Variants in ADARB2 observed in about 807,000 individuals in gnomAD.
ADARB2 encodes the protein adenosine deaminase RNA specific B2 (inactive), also known as inactive double-stranded RNA-specific editase B2.
ADARB2 carries 25 observed loss-of-function variants against 62.2 expected under a neutral mutation model. The observed-to-expected ratio is 0.40, with a 90% CI of 0.29 to 0.56. The LOEUF (loss-of-function observed/expected upper bound fraction) is 0.56, where lower values mean the gene tolerates loss of function less well. Among genes scored for constraint, ADARB2 ranks in the 20% least tolerant of loss-of-function variants. The pLI is 0.43. For synonymous variants in ADARB2, 572 were observed against 500.8 expected (o/e 1.14, Z -1.90); for missense variants, 1,071 against 1,077.4 (o/e 0.99, Z 0.08).
At chr10:1,475,143 C>T (rs1440373240) in intron 1 of ADARB2, among the ~76,000 whole-genome samples, 1 of 151,966 alleles carries the variant, frequency 6.6e-6, no homozygotes, top group African/African-American at 2.4e-5. Flanking sequence ...CAGGAGGACC[C>T]CCGGGGAGGG....
intron 1 of ADARB2, among the ~76,000 whole-genome samples, chr10:1,399,711 G>A (rs1832646451): frequency 6.6e-6 from 1 of 152,218 alleles, no homozygotes; most frequent in African/African-American, 2.4e-5. Context: ...AATATTATTT[G>A]AAGGATGTAC....
chr10:1,250,078 A>G (rs1326163022), intron 4 of ADARB2, among the ~76,000 whole-genome samples: 1 of 110,964 alleles, frequency 9.0e-6, no homozygotes, highest in Admixed American at 9.2e-5. Flanking sequence ...TTAAACAAAC[A>G]GAAAGACTTG....
rs574091141 is a variant in ADARB2, at chr10:1,586,388, G to A, written c.100+150663C>T. ...AAAGCCACCAAATCCAGAAGATGAG[G>A]CACCTGAGAGCAGCTGGCGGGATGG... On this transcript the variant is annotated intron_variant, in intron 1 of 9. Transcript: ENST00000381312. 2.6e-5 allele frequency among the ~76,000 whole-genome samples: 4 copies of A among 152,290 alleles called. No individual in the cohort carries two copies. In the South Asian group the frequency reaches 8.3e-4, roughly 32 times the overall value.
intron 7 of ADARB2, among the ~76,000 whole-genome samples, chr10:1,214,949 C>T (rs1351519422): frequency 2.0e-5 from 3 of 152,216 alleles, no homozygotes; most frequent in African/African-American, 7.2e-5. Context: ...CCAGCTCTCC[C>T]ACGATTTCCA....
At chr10:1,557,234 A>G (rs866717236) in intron 1 of ADARB2, among the ~76,000 whole-genome samples, 2 of 22,052 alleles carry the variant, frequency 9.1e-5, no homozygotes, top group Admixed American at 1.4e-3. Flanking sequence ...TTGCCCAGCC[A>G]CCACCTCGTC....
intron 4 of ADARB2, among the ~76,000 whole-genome samples, chr10:1,256,256 C>G (rs138188402): frequency 6.6e-6 from 1 of 152,354 alleles, no homozygotes; most frequent in East Asian, 1.9e-4. Context: ...CCCTTTCCAA[C>G]TCTCCCCGCT....
At chr10:1,649,784 G>C (rs1308586465) in intron 1 of ADARB2, among the ~76,000 whole-genome samples, 2 of 152,192 alleles carry the variant, frequency 1.3e-5, no homozygotes, top group Non-Finnish European at 2.9e-5. Context: ...GGTTTCAGCT[G>C]TATCATCAGT....
intron 4 of ADARB2, among the ~76,000 whole-genome samples, chr10:1,270,236 T>C (rs1262850649): frequency 3.3e-5 from 5 of 152,212 alleles, no homozygotes; most frequent in African/African-American, 4.8e-5. Context: ...CGATGGTCTT[T>C]TTCCGCCTTA....
At chr10:1,690,366 G>A (rs142490328) in intron 1 of ADARB2, among the ~76,000 whole-genome samples, 5 of 152,350 alleles carry the variant, frequency 3.3e-5, no homozygotes, top group East Asian at 1.9e-4. Context: ...ACAAGTTGTC[G>A]TGTGTGGGTG....
At chr10:1,695,247 A>C (rs1445774403) in intron 1 of ADARB2, among the ~76,000 whole-genome samples, 1 of 152,156 alleles carries the variant, frequency 6.6e-6, no homozygotes, top group Non-Finnish European at 1.5e-5. Flanking sequence ...CTTCCTGGCA[A>C]GAATGGGCTC....
chr10:1,485,146 G>A (rs369161443), intron 1 of ADARB2, among the ~76,000 whole-genome samples: 2 of 152,014 alleles, frequency 1.3e-5, no homozygotes, highest in East Asian at 3.9e-4. Flanking sequence ...AGGTGGATTA[G>A]TAGGTGCATT....
intron 1 of ADARB2, among the ~76,000 whole-genome samples, chr10:1,534,153 T>G (rs2131962413): frequency 6.6e-6 from 1 of 151,608 alleles, no homozygotes; most frequent in African/African-American, 2.4e-5. Context: ...TTTTTTTTTT[T>G]TGAGAAGGAG....
chr10:1,211,102 CTCCT>C (rs1345794644), intron 7 of ADARB2, among the ~76,000 whole-genome samples: 3 of 152,142 alleles, frequency 2.0e-5, no homozygotes. Context: ...CCCTCCCTCC[CTCCT>C]ATCTATCTTC....
intron 1 of ADARB2, among the ~76,000 whole-genome samples, chr10:1,510,095 C>T (rs1360007931): frequency 5.9e-5 from 7 of 118,052 alleles, no homozygotes; most frequent in Admixed American, 4.5e-4. Context: ...CTCTCTCTCT[C>T]TTTTCTTTCT....
intron 4 of ADARB2, among the ~76,000 whole-genome samples, chr10:1,263,223 TA>T (rs1831160819): frequency 6.6e-6 from 1 of 152,064 alleles, no homozygotes; most frequent in Non-Finnish European, 1.5e-5. Flanking sequence ...ATGGCACATG[TA>T]TACATATGTA....
Position 1,398,770 on chromosome 10 carries a change from G to A in ADARB2, c.101-19610C>T, listed in dbSNP as rs1832637297. ...CCAGCTCTCGGCTCTGCGTGGATTG[G>A]CGTGCCCGTTTACCTGAGAGGCCAG... is the stretch of plus-strand genomic sequence containing the variant. On this transcript the variant is annotated intron_variant, in intron 1 of 9. Coordinates refer to ENST00000381312, the MANE Select transcript of ADARB2 (RefSeq NM_018702.4). This position sits in a 1 kb window ranked among gnomAD's most constrained non-coding sequence, Gnocchi z 4.1. Among the ~76,000 whole-genome samples the A allele has an allele frequency of 6.6e-6, 1 of 152,156 alleles. No homozygotes were observed. The highest frequency in any genetic ancestry group is 2.4e-5 in the African/African-American group (1 of 41,442).
At chr10:1,496,099 C>T (rs1014956120) in intron 1 of ADARB2, among the ~76,000 whole-genome samples, 1 of 151,336 alleles carries the variant, frequency 6.6e-6, no homozygotes, top group Non-Finnish European at 1.5e-5. Context: ...CCATCATCAT[C>T]GTCATCACCA....
At chr10:1,427,835 T>C (rs1832904455) in intron 1 of ADARB2, among the ~76,000 whole-genome samples, 1 of 152,228 alleles carries the variant, frequency 6.6e-6, no homozygotes, top group Admixed American at 6.5e-5. Context: ...AGACCAGGTG[T>C]TCATCAGTGG....
At position 1,485,155 on chromosome 10, in the gene ADARB2, T is replaced by C. The variant is rs957582136; in HGVS notation, c.101-105995A>G. On this transcript the variant is annotated intron_variant, in intron 1 of 9. Coordinates refer to ENST00000381312, the MANE Select transcript of ADARB2 (RefSeq NM_018702.4). ...GTATGTAGGTGGATTAGTAGGTGCA[T>C]TTGTAGGTAGCTATGCATGTAGATA... 4.0e-5 allele frequency among the ~76,000 whole-genome samples: 6 copies of C among 151,762 alleles called. 1 individual carries two copies. Among genetic ancestry groups the C allele is most frequent in the Non-Finnish European group, 1.5e-5 (1 of 67,914 alleles).
Sources: gnomAD v4.1 joint callset for allele counts (sites outside exome capture counted in the v4.1 genomes callset) on GRCh38, gnomAD v4.1.1 for gene constraint, Gnocchi (gnomAD v3.1) non-coding constraint, MANE v1.5 for transcripts, NCBI Gene and HGNC (gene_info 2026-07-23, HGNC 2026-07-21) for gene names.